HTT-AS: variants seen among roughly 807,000 people sequenced by gnomAD.
HTT-AS encodes the protein HTT antisense RNA (head to head).
chr4:3,069,718 G>C (rs559316954), intron 1 of HTT-AS, among the ~76,000 whole-genome samples: 1 of 152,166 alleles, frequency 6.6e-6, no homozygotes, highest in African/African-American at 2.4e-5. Context: ...GCTGTCCTGC[G>C]CCTCAGCCAT....
At chr4:3,056,051 G>A (rs767128920) in intron 2 of HTT-AS, among the ~76,000 whole-genome samples, 63 of 152,120 alleles carry the variant, frequency 4.1e-4, no homozygotes, top group Non-Finnish European at 8.2e-4. Flanking sequence ...TCCAAGAGAG[G>A]ACTTATCCAT....
At chr4:3,056,383 G>A (rs1262837420) in intron 2 of HTT-AS, among the ~76,000 whole-genome samples, 1 of 152,196 alleles carries the variant, frequency 6.6e-6, no homozygotes, top group Non-Finnish European at 1.5e-5. Flanking sequence ...CTGGTTGGTT[G>A]CAGCTCGGCA....
Position 3,050,322 on chromosome 4 carries a change from C to T in HTT-AS, n.1381-624G>A, listed in dbSNP as rs137909230. 3.4e-3 allele frequency among the ~76,000 whole-genome samples: 520 copies of T among 152,306 alleles called. 1 individual carries two copies. The highest frequency in any genetic ancestry group is 5.6e-3 in the Non-Finnish European group (379 of 68,034). ...TATATCTGAACTATTTCAGTGTCAG[C>T]TGATTTAAGATGAAAATCTGGCAAA... On this transcript the variant is annotated intron_variant and non_coding_transcript_variant, in intron 2 of 2. Coordinates refer to ENST00000664062, the Ensembl canonical transcript of HTT-AS.
At chr4:3,072,533 G>A (rs1002689753) in intron 1 of HTT-AS, among the ~76,000 whole-genome samples, 1 of 152,220 alleles carries the variant, frequency 6.6e-6, no homozygotes, top group African/African-American at 2.4e-5. Flanking sequence ...GGGGTGCTGG[G>A]GCCATCTTAT....
intron 1 of HTT-AS, chr4:3,070,247 A>G (rs949084975): frequency 6.6e-6 from 1 of 152,150 alleles, no homozygotes; most frequent in Non-Finnish European, 1.5e-5. Context: ...GCCCAGAGAG[A>G]GTCACTGCTA....
downstream of HTT-AS, among the ~76,000 whole-genome samples, chr4:3,046,837 G>C (rs1209801324): frequency 6.6e-6 from 1 of 152,072 alleles, no homozygotes; most frequent in Non-Finnish European, 1.5e-5. Context: ...AGTCTGTTGG[G>C]ACATAGTGCA....
At chr4:3,058,785 T>A (rs1711857759) in intron 2 of HTT-AS, among the ~76,000 whole-genome samples, 1 of 151,974 alleles carries the variant, frequency 6.6e-6, no homozygotes, top group Non-Finnish European at 1.5e-5. Context: ...TGTGGTATGA[T>A]CTCGGCTCAC....
At chr4:3,061,686 A>G (rs1237452094) in intron 2 of HTT-AS, among the ~76,000 whole-genome samples, 1 of 148,666 alleles carries the variant, frequency 6.7e-6, no homozygotes, top group Non-Finnish European at 1.5e-5. Context: ...CCATCTCAGA[A>G]AAAAAAAAAA....
chr4:3,067,189 G>A (rs1054259051), intron 1 of HTT-AS, among the ~76,000 whole-genome samples: 6 of 152,180 alleles, frequency 3.9e-5, no homozygotes, highest in Non-Finnish European at 5.9e-5. Flanking sequence ...CCAGAATAAG[G>A]CACTGAGAGG....
chr4:3,066,179 CT>C (rs1712053047), intron 1 of HTT-AS, among the ~76,000 whole-genome samples: 3 of 151,134 alleles, frequency 2.0e-5, no homozygotes, highest in South Asian at 2.1e-4. Flanking sequence ...GCTAAGCCTC[CT>C]TTTTTTTTGA....
At chr4:3,053,757 CTT>C (rs1163919785) in intron 2 of HTT-AS, among the ~76,000 whole-genome samples, 17 of 129,058 alleles carry the variant, frequency 1.3e-4, no homozygotes, top group Admixed American at 2.4e-4. Flanking sequence ...TTGCTAACTT[CTT>C]TTTTTTTTTT....
intron 1 of HTT-AS, among the ~76,000 whole-genome samples, chr4:3,064,197 G>T (rs1218539416): frequency 6.7e-6 from 1 of 150,126 alleles, no homozygotes; most frequent in Non-Finnish European, 1.5e-5. Context: ...CCAGGTTCAA[G>T]TGATTCTCCT....
At chr4:3,049,042 G>T (rs1307841490), downstream of HTT-AS, among the ~76,000 whole-genome samples, 2 of 152,170 alleles carry the variant, frequency 1.3e-5, no homozygotes, top group African/African-American at 2.4e-5. Context: ...CTTCACAAAT[G>T]AAAGTATACC....
downstream of HTT-AS, among the ~76,000 whole-genome samples, chr4:3,049,013 T>G (rs1711651203): frequency 6.6e-6 from 1 of 152,204 alleles, no homozygotes; most frequent in Non-Finnish European, 1.5e-5. Flanking sequence ...TATCCGTGTA[T>G]AAGGCTGGCT....
At chr4:3,053,603 A>C (rs906909110) in intron 2 of HTT-AS, among the ~76,000 whole-genome samples, 4 of 152,220 alleles carry the variant, frequency 2.6e-5, no homozygotes, top group African/African-American at 9.6e-5. Context: ...TGAGTGCTTA[A>C]ATCAAATATT....
intron 2 of HTT-AS, among the ~76,000 whole-genome samples, chr4:3,053,323 AG>A (rs1321851025): frequency 6.6e-6 from 1 of 152,202 alleles, no homozygotes; most frequent in Non-Finnish European, 1.5e-5. Flanking sequence ...GCCTGAGGTC[AG>A]GAGTTCGAGA....
intron 2 of HTT-AS, among the ~76,000 whole-genome samples, chr4:3,059,402 T>A (rs575127633): frequency 3.3e-5 from 5 of 152,286 alleles, no homozygotes; most frequent in African/African-American, 7.2e-5. Context: ...GTTTTTTTTT[T>A]CCTTGATCAG....
At chr4:3,049,732 T>C (rs1241016724) in intron 2 of HTT-AS, among the ~76,000 whole-genome samples, 2 of 152,086 alleles carry the variant, frequency 1.3e-5, no homozygotes, top group African/African-American at 2.4e-5. Context: ...CAGTGAACCA[T>C]AGAAAAATAT....
intron 2 of HTT-AS, among the ~76,000 whole-genome samples, chr4:3,057,922 T>C (rs1313774): frequency 0.56 from 85,439 of 151,322 alleles, 24,402 homozygotes; most frequent in South Asian, 0.74. Flanking sequence ...CACGCCCTGC[T>C]GATTATTTCT....
Sources: allele counts gnomAD v4.1 joint callset (sites outside exome capture counted in the v4.1 genomes callset), GRCh38; gene constraint gnomAD v4.1.1; transcripts MANE v1.5; gene names NCBI Gene and HGNC (gene_info 2026-07-23, HGNC 2026-07-21).